RYR3: variants seen among roughly 807,000 people sequenced by gnomAD.
RYR3 encodes ryanodine receptor 3.
In RYR3, 207 loss-of-function variants were observed where a neutral mutation model predicts 584.3. That is an observed-to-expected ratio of 0.35 (90% CI 0.32 to 0.40). The LOEUF is 0.40. Ranked by LOEUF, RYR3 falls within the 10% of genes least tolerant of loss-of-function variation. The pLI, the probability that RYR3 is intolerant of heterozygous loss-of-function variation, is 1.00. For missense variants in RYR3, 5,616 were observed against 6,089.2 expected (o/e 0.92, Z 2.59); for synonymous variants, 2,416 against 2,248.5 (o/e 1.07, Z -2.11).
At chr15:33,647,630 G>T (rs1283097412) in intron 30 of RYR3, among the ~76,000 whole-genome samples, 170 bp downstream of exon 30, 1 of 152,148 alleles carries the variant, frequency 6.6e-6, no homozygotes, top group Non-Finnish European at 1.5e-5. Flanking sequence ...TTTCTCAAGT[G>T]GGGGAAAGAC....
rs369625654 is a variant in RYR3, at chr15:33,794,348, A to ACATATATATATGT, written c.9830+5890_9830+5891insCATATATATATGT. 2.7e-4 allele frequency among the ~76,000 whole-genome samples: 16 copies of ACATATATATATGT among 58,318 alleles called. No individual in the cohort carries two copies. In the South Asian group the frequency reaches 3.1e-3, roughly 11 times the overall value. 38.3% of individuals were successfully genotyped at this position (58,318 alleles called of 152,430 possible). Reference sequence around the variant, plus strand: ...TTTTATATATGTTTATATATATAAAAATATATATATATATAAAATCTTTTC... The same window carrying ACATATATATATGT: ...TTTTATATATGTTTATATATATAAAACATATATATATGTATATATATATATATAAAATCTTTTC... On this transcript the variant is annotated intron_variant, in intron 67 of 103. Coordinates refer to ENST00000634891, the MANE Select transcript of RYR3 (RefSeq NM_001036.6).
intron 19 of RYR3, among the ~76,000 whole-genome samples, chr15:33,618,873 CA>C (rs1375106067): frequency 6.6e-6 from 1 of 152,150 alleles, no homozygotes; most frequent in African/African-American, 2.4e-5. Context: ...GTCAATCTTT[CA>C]AATCTGGGAA....
chr15:33,842,697 T>G (rs958256171), intron 91 of RYR3, among the ~76,000 whole-genome samples: 5 of 152,138 alleles, frequency 3.3e-5, no homozygotes, highest in African/African-American at 1.2e-4. Flanking sequence ...AAGAAGAGGC[T>G]CCTGGAACTG....
chr15:33,663,505 A>G (rs755528291), intron 35 of RYR3, 32 bp from the exon 36 acceptor site: 2 of 1,596,228 alleles, frequency 1.3e-6, no homozygotes, highest in South Asian at 1.1e-5. Context: ...CAAAGTACAC[A>G]AAGTGTTATC....
chr15:33,726,938 A>G (rs943087952), intron 46 of RYR3, among the ~76,000 whole-genome samples: 4 of 152,354 alleles, frequency 2.6e-5, no homozygotes, highest in South Asian at 2.1e-4. Context: ...AATGACTTCA[A>G]TCTGCTCTCT....
chr15:33,676,142 A>T (rs1332575530), intron 38 of RYR3, among the ~76,000 whole-genome samples: 1 of 152,098 alleles, frequency 6.6e-6, no homozygotes, highest in Non-Finnish European at 1.5e-5. Flanking sequence ...AGAGAGATTG[A>T]CAGAAGAGAG....
chr15:33,566,847 C>G (rs750922462), intron 12 of RYR3, 48 bp downstream of exon 12: 1 of 1,602,416 alleles, frequency 6.2e-7, no homozygotes, highest in Non-Finnish European at 8.5e-7. Context: ...GACTCTGTGG[C>G]CTGCCAACAC....
chr15:33,579,369 G>T (rs887048848), intron 12 of RYR3, among the ~76,000 whole-genome samples: 1 of 152,302 alleles, frequency 6.6e-6, no homozygotes, highest in South Asian at 2.1e-4. Context: ...AGACGTGGAG[G>T]GGGGTGCAAG....
intron 70 of RYR3, among the ~76,000 whole-genome samples, chr15:33,809,617 T>C (rs77440024): frequency 1.3e-5 from 2 of 150,930 alleles, no homozygotes; most frequent in East Asian, 1.9e-4. Flanking sequence ...TCTCTCTTTT[T>C]TTTTTTTTTT....
intron 60 of RYR3, 96 bp from the exon 61 acceptor site, chr15:33,768,558 GCTCT>G (rs1207417219): frequency 2.0e-6 from 2 of 1,006,912 alleles, no homozygotes; most frequent in African/African-American, 1.6e-5. Flanking sequence ...GCCACTCTGT[GCTCT>G]CTGTTTCACA....
At chr15:33,360,991 G>A (rs1167848191) in intron 1 of RYR3, among the ~76,000 whole-genome samples, 2 of 152,104 alleles carry the variant, frequency 1.3e-5, no homozygotes, top group Non-Finnish European at 2.9e-5. Flanking sequence ...TCTCAGCACC[G>A]AGCAGTAATG....
In RYR3 at chr15:33,630,010, A is replaced by G. The variant is rs372884897; in HGVS notation, c.2750A>G (p.Asn917Ser). 6.2e-7 allele frequency: 1 copy of G among 1,604,856 alleles called. No individual in the cohort carries two copies. Among genetic ancestry groups the G allele is most frequent in the Non-Finnish European group, 8.5e-7 (1 of 1,175,298 alleles). ...TCAAAGCTCCCAGAAACTGAGAAGA[A>G]CTATAACCTGCAAATGTCAACTGAA... is the stretch of plus-strand genomic sequence containing the variant. ...EFSKLPETEKNYNLQMSTETL... is the reference protein window; with the variant it reads ...EFSKLPETEKSYNLQMSTETL... Residue 917 changes from asparagine to serine, a missense_variant, in exon 22 of 104, where the codon AAC (asparagine) becomes AGC (serine). By Grantham distance (46) the Asn-to-Ser change is conservative. Around this residue, in one of 9 missense-constraint regions of RYR3, gnomAD observed 1,284 missense variants for 1,344.6 expected, o/e 0.95. Coordinates refer to ENST00000634891, the MANE Select transcript of RYR3 (RefSeq NM_001036.6).
chr15:33,840,883 A>T lies in RYR3; in HGVS notation c.13037A>T (p.Asp4346Val). 1.9e-6 allele frequency: 3 copies of T among 1,613,748 alleles called. No homozygotes were observed. Among genetic ancestry groups the T allele is most frequent in the Non-Finnish European group, 2.5e-6 (3 of 1,179,742 alleles). ...GGAAAAGTAGAATCCGAGAAGGCAG[A>T]GTAAGTTCTTGGTAGCATCAACTAC... ...AEGKVESEKA[D>V]MEDGEKEDKD... Residue 4346 changes from aspartate to valine, a missense_variant and splice_region_variant, in exon 90 of 104, where the codon GAC becomes GTC. Asp to Val is a radical substitution (Grantham distance 152). Coordinates refer to ENST00000634891, the MANE Select transcript of RYR3 (RefSeq NM_001036.6).
At chr15:33,641,932 C>T (rs1195293541) in intron 27 of RYR3, among the ~76,000 whole-genome samples, 1 of 152,198 alleles carries the variant, frequency 6.6e-6, no homozygotes, top group African/African-American at 2.4e-5. Flanking sequence ...CCCCTGAAGA[C>T]TCACTCCCTC....
rs562178833 is a variant in RYR3 at position 33,528,160 on chromosome 15, T to C, written c.280-2432T>C. 3.9e-5 allele frequency among the ~76,000 whole-genome samples: 6 copies of C among 152,302 alleles called. No homozygotes were observed. The East Asian group carries it at 7.7e-4, about 20-fold the overall frequency. On this transcript the variant is annotated intron_variant, in intron 3 of 103. Transcript: ENST00000634891. ...TTCCCTTTCTAAGGTACAATTTTGA[T>C]TGTGACACTGTCCTTTCAAAAATCT...
intron 50 of RYR3, among the ~76,000 whole-genome samples, chr15:33,739,195 A>G (rs115901543): frequency 9.8e-5 from 15 of 152,332 alleles, no homozygotes; most frequent in African/African-American, 3.6e-4. Context: ...TTAAAGGTAG[A>G]AAATGAGTAG....
At chr15:33,754,940 A>T (rs2071670363) in intron 57 of RYR3, 125 bp from the exon 58 acceptor site, 2 of 634,072 alleles carry the variant, frequency 3.2e-6, no homozygotes, top group South Asian at 3.9e-5. Context: ...ATGATGAGTC[A>T]TGTCACTACG....
intron 63 of RYR3, among the ~76,000 whole-genome samples, chr15:33,772,952 C>T (rs1441980148): frequency 6.6e-6 from 1 of 152,144 alleles, no homozygotes; most frequent in African/African-American, 2.4e-5. Context: ...GATGTGTAGC[C>T]GCCAGATTCA....
At chr15:33,742,051 G>T (rs1371116055) in intron 51 of RYR3, among the ~76,000 whole-genome samples, 1 of 152,182 alleles carries the variant, frequency 6.6e-6, no homozygotes, top group Non-Finnish European at 1.5e-5. Context: ...ATTTACCTTG[G>T]ATTCTCGCTG....
Sources: gnomAD v4.1 joint callset for allele counts (sites outside exome capture counted in the v4.1 genomes callset) on GRCh38, gnomAD v4.1.1 for gene constraint, gnomAD v4.1.1 regional missense constraint, MANE v1.5 for transcripts, NCBI Gene and HGNC (gene_info 2026-07-23, HGNC 2026-07-21) for gene names.